The following RLN2 variants were observed in gnomAD, a reference collection of about 807,000 sequenced individuals.
RLN2 encodes relaxin 2.
In RLN2, 10 loss-of-function variants were observed where a neutral mutation model predicts 7.3. The ratio of observed to expected loss-of-function variants is 1.36; its 90% confidence interval spans 0.84 to 2.31. The LOEUF is 2.31. Among genes scored for constraint, RLN2 ranks in the 30% most tolerant of loss-of-function variants. The probability of loss-of-function intolerance (pLI) is 0.00; values close to 1 mark genes in which losing one functional copy is unlikely to be tolerated. For missense variants in RLN2, 298 were observed against 217.6 expected, an observed-to-expected ratio of 1.37 and a Z score of -2.32; for synonymous variants, 103 against 82.3, an observed-to-expected ratio of 1.25 and a Z score of -1.36.
chr9:5,325,699 G>A, the RLN2 span, among the ~76,000 whole-genome samples: 6 of 151,962 alleles, frequency 3.9e-5, no homozygotes, highest in African/African-American at 1.2e-4. Flanking sequence ...ATTCACTTCG[G>A]TTTGATGTAA....
At chr9:5,305,103 A>C (rs1816218976), upstream of RLN2, 1 of 152,536 alleles carries the variant, frequency 6.6e-6, no homozygotes, top group Non-Finnish European at 1.5e-5. Context: ...AATCCATAAA[A>C]ATATAAAAAT....
the RLN2 span, among the ~76,000 whole-genome samples, chr9:5,310,527 C>T: frequency 2.6e-5 from 4 of 152,078 alleles, no homozygotes; most frequent in South Asian, 8.3e-4. Flanking sequence ...TCTTTCAGAT[C>T]CCCCAATCGT....
At chr9:5,316,175 A>C in the RLN2 span, among the ~76,000 whole-genome samples, 3 of 152,064 alleles carry the variant, frequency 2.0e-5, no homozygotes, top group African/African-American at 7.2e-5. Context: ...TTTTGAGTAT[A>C]TATTTGTACA....
At chr9:5,315,296 T>A in the RLN2 span, among the ~76,000 whole-genome samples, 1 of 150,238 alleles carries the variant, frequency 6.7e-6, no homozygotes, top group Non-Finnish European at 1.5e-5. Flanking sequence ...GCTCAAGAAC[T>A]GAGTGAAGAA....
the RLN2 span, among the ~76,000 whole-genome samples, chr9:5,332,866 C>T: frequency 6.6e-6 from 1 of 151,896 alleles, no homozygotes; most frequent in Non-Finnish European, 1.5e-5. Flanking sequence ...ATCCACCTGC[C>T]TCGGCCTCCC....
the RLN2 span, among the ~76,000 whole-genome samples, chr9:5,324,284 G>A: frequency 2.0e-5 from 3 of 151,956 alleles, no homozygotes; most frequent in African/African-American, 4.8e-5. Context: ...GGAAAATTAC[G>A]CATAATCCCC....
chr9:5,323,487 G>A, the RLN2 span, among the ~76,000 whole-genome samples: 1 of 151,608 alleles, frequency 6.6e-6, no homozygotes, highest in Non-Finnish European at 1.5e-5. Context: ...CCTTTTATAT[G>A]GCTCAATAGG....
the RLN2 span, among the ~76,000 whole-genome samples, chr9:5,317,173 A>G: frequency 5.3e-5 from 8 of 152,162 alleles, no homozygotes; most frequent in East Asian, 1.5e-3. Flanking sequence ...TAAAATAACC[A>G]GAAAACAATT....
Position 5,304,601 on chromosome 9 carries a change from G to C in RLN2, c.-21C>G. On this transcript the variant is annotated 5_prime_UTR_variant, in exon 1 of 2. Coordinates refer to ENST00000381627, the MANE Select transcript of RLN2 (RefSeq NM_134441.3). ...GGCATCCTGGGCCTGGTCTCTCCTGGAGGTCGGGACGTTGCAGCCTTTCAG... is the reference window on the plus strand; with the variant it reads ...GGCATCCTGGGCCTGGTCTCTCCTGCAGGTCGGGACGTTGCAGCCTTTCAG... 6.2e-7 allele frequency: 1 copy of C among 1,612,040 alleles called. No individual in the cohort carries two copies. Among genetic ancestry groups the C allele is most frequent in the Non-Finnish European group, 8.5e-7 (1 of 1,178,388 alleles).
upstream of RLN2, among the ~76,000 whole-genome samples, chr9:5,305,849 G>A (rs1295568430): frequency 6.6e-6 from 1 of 151,982 alleles, no homozygotes; most frequent in Non-Finnish European, 1.5e-5. Context: ...GGCCCACTTA[G>A]CATTGGTCAA....
chr9:5,319,916 C>G, the RLN2 span, among the ~76,000 whole-genome samples: 1 of 151,178 alleles, frequency 6.6e-6, no homozygotes, highest in Non-Finnish European at 1.5e-5. Flanking sequence ...TAAAGATGTT[C>G]TTAAACTTAA....
chr9:5,335,640 G>T, the RLN2 span: 2 of 1,180,898 alleles, frequency 1.7e-6, no homozygotes, highest in Non-Finnish European at 2.4e-6. Flanking sequence ...GCGTATTCAC[G>T]TCAAAGAGCA....
At chr9:5,308,688 G>A (rs1477881931), upstream of RLN2, among the ~76,000 whole-genome samples, 2 of 152,018 alleles carry the variant, frequency 1.3e-5, no homozygotes, top group Admixed American at 1.3e-4. Flanking sequence ...CCAACATTAT[G>A]TGCTGCCCTG....
chr9:5,329,582 G>GAAA, the RLN2 span, among the ~76,000 whole-genome samples: 1 of 145,208 alleles, frequency 6.9e-6, no homozygotes, highest in African/African-American at 2.5e-5. Flanking sequence ...GAAACGGAGA[G>GAAA]AAAAAAAAAA....
chr9:5,308,188 T>C (rs577396355), upstream of RLN2, among the ~76,000 whole-genome samples: 4 of 152,130 alleles, frequency 2.6e-5, no homozygotes, highest in African/African-American at 7.2e-5. Flanking sequence ...TCATGCTGCT[T>C]TATCCAGAAG....
At chr9:5,317,563 T>C in the RLN2 span, among the ~76,000 whole-genome samples, 1 of 151,182 alleles carries the variant, frequency 6.6e-6, no homozygotes, top group Non-Finnish European at 1.5e-5. Flanking sequence ...GCAGTTGGTA[T>C]TAGTACGAGA....
the RLN2 span, among the ~76,000 whole-genome samples, chr9:5,327,458 T>A: frequency 6.6e-6 from 1 of 152,024 alleles, no homozygotes; most frequent in African/African-American, 2.4e-5. Flanking sequence ...CTTTGTAGAC[T>A]CCACCTCTAG....
the RLN2 span, among the ~76,000 whole-genome samples, chr9:5,334,614 G>A: frequency 6.6e-6 from 1 of 151,848 alleles, no homozygotes; most frequent in African/African-American, 2.4e-5. Flanking sequence ...CCTCCATTAT[G>A]TCTATACGTT....
chr9:5,331,072 C>T, the RLN2 span, among the ~76,000 whole-genome samples: 1 of 151,978 alleles, frequency 6.6e-6, no homozygotes, highest in Non-Finnish European at 1.5e-5. Flanking sequence ...TCTGAATACA[C>T]CAATAACAGG....
Sources: allele counts gnomAD v4.1 joint callset (sites outside exome capture counted in the v4.1 genomes callset), GRCh38; gene constraint gnomAD v4.1.1; transcripts MANE v1.5; gene names NCBI Gene and HGNC (gene_info 2026-07-23, HGNC 2026-07-21).